DDOST: variants seen among roughly 807,000 people sequenced by gnomAD.
The protein encoded by DDOST is dolichyl-diphosphooligosaccharide--protein glycosyltransferase non-catalytic subunit.
In DDOST, 25 loss-of-function variants were observed where a neutral mutation model predicts 47.6. The ratio of observed to expected loss-of-function variants is 0.53; its 90% confidence interval spans 0.38 to 0.73. DDOST has a LOEUF of 0.73. Among genes scored for constraint, DDOST ranks in the 30% least tolerant of loss-of-function variants. The probability of loss-of-function intolerance (pLI) is 0.00; values close to 1 mark genes in which losing one functional copy is unlikely to be tolerated. For synonymous variants in DDOST, 275 were observed against 236.0 expected, an observed-to-expected ratio of 1.17 and a Z score of -1.51; for missense variants, 526 against 573.9, an observed-to-expected ratio of 0.92 and a Z score of 0.85.
chr1:20,660,935 T>G lies in DDOST; in HGVS notation c.211A>C (p.Lys71Gln), dbSNP rs2053427387. 1 of 1,613,710 alleles carries G rather than the reference T, an allele frequency of 6.2e-7. No homozygotes were observed. Among genetic ancestry groups the G allele is most frequent in the Non-Finnish European group, 8.5e-7 (1 of 1,179,824 alleles). ...TTGTCATAGAGGAATTCCCCATACTTTATGAGAGACAGGCTGGGGTCATCA... is the reference window on the plus strand; with the variant it reads ...TTGTCATAGAGGAATTCCCCATACTGTATGAGAGACAGGCTGGGGTCATCA... ...TADDPSLSLI[K>Q]YGEFLYDNLI... Residue 71 changes from lysine to glutamine, a missense_variant, in exon 2 of 11, where the codon AAG becomes CAG. By Grantham distance (53) the Lys-to-Gln change is moderately conservative. Coordinates refer to ENST00000602624, the MANE Select transcript of DDOST (RefSeq NM_005216.5).
Position 20,652,929 on chromosome 1 carries a change from C to A in DDOST, c.985G>T (p.Val329Phe), listed in dbSNP as rs1234325797. 6.2e-7 allele frequency: 1 copy of A among 1,614,168 alleles called. No individual in the cohort carries two copies. The highest frequency in any genetic ancestry group is 1.7e-5 in the Admixed American group (1 of 60,012). ...TGAATGTCATCGCCATCAAAGGGGACCCATTTGCCATTTGAGAGCTGCTGG... is the reference window on the plus strand; with the variant it reads ...TGAATGTCATCGCCATCAAAGGGGAACCATTTGCCATTTGAGAGCTGCTGG... ...VIQQLSNGKW[V>F]PFDGDDIQLE... Residue 329 changes from valine (V) to phenylalanine (F), a missense_variant, in exon 9 of 11, where the codon GTC becomes TTC. Physicochemically the swap from Val to Phe is conservative, Grantham distance 50 (BLOSUM62 -1). Transcript: ENST00000602624.
intron 1 of DDOST, 22 bp downstream of exon 1, chr1:20,661,175 C>T: frequency 3.1e-6 from 5 of 1,610,204 alleles, no homozygotes; most frequent in Non-Finnish European, 4.2e-6. Flanking sequence ...CCACACGCTA[C>T]CCCCTCGGAC....
chr1:20,652,576 C>G (rs1036335973), intron 10 of DDOST, 45 bp downstream of exon 10: 2 of 1,613,974 alleles, frequency 1.2e-6, no homozygotes, highest in Non-Finnish European at 1.7e-6. Flanking sequence ...AGAGCCCAGG[C>G]AGGGCACATG....
At position 20,661,023 on chromosome 1, in the gene DDOST, A is replaced by T. The variant is rs1254973173; in HGVS notation, c.155-32T>A. ...AAGAAAAAACAGGTAGTTGAGGAAGACGGGACGCGAAGGGAAACCCCTGCT... is the reference window on the plus strand; with the variant it reads ...AAGAAAAAACAGGTAGTTGAGGAAGTCGGGACGCGAAGGGAAACCCCTGCT... On this transcript the variant is annotated intron_variant, in intron 1 of 10. Transcript: ENST00000602624. The T allele has an allele frequency of 5.1e-6, 8 of 1,559,172 alleles. No individual in the cohort carries two copies. The African/African-American group carries it at 6.8e-5, about 13-fold the overall frequency.
At chr1:20,658,883 T>G (rs1456861995) in intron 2 of DDOST, among the ~76,000 whole-genome samples, 2 of 147,284 alleles carry the variant, frequency 1.4e-5, no homozygotes, top group African/African-American at 5.1e-5. Context: ...TGAGACAGGG[T>G]CTTGCTCTGT....
intron 9 of DDOST, 29 bp downstream of exon 9, chr1:20,652,822 C>T: frequency 6.2e-7 from 1 of 1,613,870 alleles, no homozygotes; most frequent in African/African-American, 1.3e-5. Flanking sequence ...CCGTTTCTGG[C>T]AGCATCCTCG....
rs749626636 is a variant in DDOST at position 20,652,397 on chromosome 1, C to T, written c.1302G>A (p.Glu434=). 6.2e-7 allele frequency: 1 copy of T among 1,613,122 alleles called. No homozygotes were observed. Among genetic ancestry groups the T allele is most frequent in the Non-Finnish European group, 8.5e-7 (1 of 1,179,546 alleles). ...IFSIVFLHMK[E]KEKSD ...TAGCCCCTCAGTCGGACTTCTCCTT[C>T]TCCTTCATGTGCAAGAAGACGATGC... is the stretch of plus-strand genomic sequence containing the variant. Residue 434 remains glutamate (E), a synonymous_variant, in exon 11 of 11, where the codon GAG becomes GAA. Coordinates refer to ENST00000602624, the MANE Select transcript of DDOST (RefSeq NM_005216.5).
rs762661909 is a variant in DDOST, at chr1:20,660,893, G to A, written c.253C>T (p.Pro85Ser). The change falls in exon 2 of 11, where the codon CCT (proline) becomes TCT (serine). Residue 85 changes from proline to serine, a missense_variant. By Grantham distance (74) the Pro-to-Ser change is moderately conservative. Coordinates refer to ENST00000602624, the MANE Select transcript of DDOST (RefSeq NM_005216.5). ...GCGGAACCCTTACCTTCTACCGAAGGGGAGAAAATGATGAGATTGTCATAG... is the reference window on the plus strand; with the variant it reads ...GCGGAACCCTTACCTTCTACCGAAGAGGAGAAAATGATGAGATTGTCATAG... Reference protein sequence around the residue: ...FLYDNLIIFSPSVEDFGGNIN... With the variant: ...FLYDNLIIFSSSVEDFGGNIN... 1.9e-6 allele frequency: 3 copies of A among 1,602,060 alleles called. No individual in the cohort carries two copies. Among genetic ancestry groups the A allele is most frequent in the Non-Finnish European group, 2.6e-6 (3 of 1,169,096 alleles).
At chr1:20,655,178 T>TTG (rs1484548995) in intron 5 of DDOST, among the ~76,000 whole-genome samples, 17 of 148,290 alleles carry the variant, frequency 1.1e-4, no homozygotes, top group South Asian at 6.5e-4. Context: ...TTTGTTTTTT[T>TTG]TTTTTTTTTT....
chr1:20,661,298 G>C lies in DDOST; in HGVS notation c.53C>G (p.Pro18Arg), dbSNP rs746462194. The stretch of plus-strand genomic sequence containing the variant: ...GCTGGCGCAAACCGCGCCAAGCAAG[G>C]GCAGCAGCAACCAAAAGAGGGCCCA... ...RAWALFWLLL[P>R]LLGAVCASGP... is the part of the protein sequence containing the mutation. Residue 18 changes from proline (P) to arginine (R), a missense_variant, in exon 1 of 11, where the codon CCC becomes CGC. Coordinates refer to ENST00000602624, the MANE Select transcript of DDOST (RefSeq NM_005216.5). 1.9e-6 allele frequency: 3 copies of C among 1,613,788 alleles called. No individual in the cohort carries two copies. In the African/African-American group the frequency reaches 4.0e-5, roughly 22 times the overall value.
chr1:20,654,546 TC>T (rs1346791202), intron 6 of DDOST, 67 bp downstream of exon 6: 1 of 1,451,752 alleles, frequency 6.9e-7, no homozygotes, highest in African/African-American at 1.4e-5. Context: ...GTCATTTCCT[TC>T]GCCTCAGCCA....
intron 2 of DDOST, among the ~76,000 whole-genome samples, chr1:20,658,856 C>CTTTTTTTTTTT (rs112536606): frequency 7.5e-6 from 1 of 132,822 alleles, no homozygotes; most frequent in Non-Finnish European, 1.6e-5. Flanking sequence ...TTTCTCTTTT[C>CTTTTTTTTTTT]TTTTTTTTTT....
At chr1:20,657,271 T>A (rs962421005) in intron 2 of DDOST, among the ~76,000 whole-genome samples, 10 of 152,144 alleles carry the variant, frequency 6.6e-5, no homozygotes, top group African/African-American at 2.4e-4. Flanking sequence ...TGCGCAGGGC[T>A]CTGCACCCCA....
intron 2 of DDOST, among the ~76,000 whole-genome samples, chr1:20,657,853 G>C (rs2053391882): frequency 6.6e-6 from 1 of 152,204 alleles, no homozygotes; most frequent in African/African-American, 2.4e-5. Flanking sequence ...GGCAGTCTTG[G>C]ACATTCCAAA....
At chr1:20,659,753 T>C (rs2053415763) in intron 2 of DDOST, among the ~76,000 whole-genome samples, 2 of 152,112 alleles carry the variant, frequency 1.3e-5, no homozygotes, top group Non-Finnish European at 2.9e-5. Context: ...TCGGTGGAAC[T>C]GAATCTCGCA....
In DDOST at chr1:20,655,775, G is replaced by C. The variant is rs1407126019; in HGVS notation, c.357C>G (p.Asp119Glu). 20 of 1,613,764 alleles carry C rather than the reference G, an allele frequency of 1.2e-5. No homozygotes were observed. The highest frequency in any genetic ancestry group is 1.7e-5 in the Non-Finnish European group (20 of 1,179,844). Residue 119 changes from aspartate to glutamate, a missense_variant, in exon 4 of 11, where the codon GAC becomes GAG. Physicochemically the swap from Asp to Glu is conservative, Grantham distance 45. Coordinates refer to ENST00000602624, the MANE Select transcript of DDOST (RefSeq NM_005216.5). ...VLVAASSDIG[D>E]PLRELGSECG... ...ACTCACTGCCCAGCTCTCGAAGAGG[G>C]TCACCTGCACAGACCGAAGAGACAC...
chr1:20,652,331 C>G lies in DDOST; in HGVS notation c.*48G>C. ...AAACAAAACCACCAATCCTAATAACCCCCCTCCTTGCCCCGTCTCCACGCT... is the reference window on the plus strand; with the variant it reads ...AAACAAAACCACCAATCCTAATAACGCCCCTCCTTGCCCCGTCTCCACGCT... On this transcript the variant is annotated 3_prime_UTR_variant, in exon 11 of 11. Coordinates refer to ENST00000602624, the MANE Select transcript of DDOST (RefSeq NM_005216.5). 1.3e-6 allele frequency: 2 copies of G among 1,501,890 alleles called. No individual in the cohort carries two copies. Among genetic ancestry groups the G allele is most frequent in the Non-Finnish European group, 1.8e-6 (2 of 1,126,114 alleles). The allele number at this position is 1,501,890 out of a possible 1,614,324, so 93.0% of individuals were successfully genotyped here.
Position 20,661,186 on chromosome 1 carries a change from C to A in DDOST, c.154+11G>T. On this transcript the variant is annotated intron_variant, in intron 1 of 10. Coordinates refer to ENST00000602624, the MANE Select transcript of DDOST (RefSeq NM_005216.5). Reference sequence around the variant, plus strand: ...GCCCCCACACGCTACCCCCTCGGACCCCGCTCTCACCCTTCAGGCTCCGGA... The same window carrying A: ...GCCCCCACACGCTACCCCCTCGGACACCGCTCTCACCCTTCAGGCTCCGGA... 6.2e-7 allele frequency: 1 copy of A among 1,612,952 alleles called. No homozygotes were observed. Among genetic ancestry groups the A allele is most frequent in the Non-Finnish European group, 8.5e-7 (1 of 1,179,600 alleles).
intron 2 of DDOST, among the ~76,000 whole-genome samples, chr1:20,657,450 G>A (rs1054231755): frequency 1.3e-5 from 2 of 152,202 alleles, no homozygotes; most frequent in African/African-American, 2.4e-5. Context: ...TCTAGGCAGT[G>A]AAGAGTGCTG....
Sources: gnomAD v4.1 joint callset for allele counts (sites outside exome capture counted in the v4.1 genomes callset) on GRCh38, gnomAD v4.1.1 for gene constraint, MANE v1.5 for transcripts, NCBI Gene and HGNC (gene_info 2026-07-23, HGNC 2026-07-21) for gene names.